PES1: variants seen among roughly 807,000 people sequenced by gnomAD.
The protein encoded by PES1 is pescadillo ribosomal biogenesis factor 1.
PES1 carries 31 observed loss-of-function variants against 77.1 expected under a neutral mutation model. That is an observed-to-expected ratio of 0.40 (90% CI 0.30 to 0.54). The LOEUF is 0.54. Ranked by LOEUF, PES1 falls within the 20% of genes least tolerant of loss-of-function variation. PES1 has a pLI of 0.45. For missense variants in PES1, 658 were observed against 771.7 expected (o/e 0.85, Z 1.75); for synonymous variants, 282 against 303.0 (o/e 0.93, Z 0.72).
intron 11 of PES1, 45 bp downstream of exon 11, chr22:30,580,008 A>C: frequency 6.2e-7 from 1 of 1,612,080 alleles, no homozygotes; most frequent in Non-Finnish European, 8.5e-7. Context: ...AGGGCCTTTG[A>C]GACAGGATAC....
chr22:30,597,869 C>G lies in PES1; in HGVS notation c.-660-5471G>C, dbSNP rs562150008. Among the ~76,000 whole-genome samples, 52 of 147,784 alleles carry G rather than the reference C, an allele frequency of 3.5e-4. 1 individual carries two copies. In the East Asian group the frequency reaches 4.7e-3, roughly 13 times the overall value. On this transcript the variant is annotated intron_variant, in intron 2 of 16. Transcript: ENST00000402281. ...TAACTCGCTCGGTTTTTTTTCCACG[C>G]AGTTGAAGTTTTGTTTTTTTTTTTT...
At chr22:30,585,846 AG>A (rs1209953338) in intron 4 of PES1, among the ~76,000 whole-genome samples, 1 of 152,168 alleles carries the variant, frequency 6.6e-6, no homozygotes, top group African/African-American at 2.4e-5. Context: ...GCTGCGAGTC[AG>A]AAGTCTGCCA....
chr22:30,590,427 C>T (rs1280308949), intron 1 of PES1, among the ~76,000 whole-genome samples: 3 of 152,204 alleles, frequency 2.0e-5, no homozygotes, highest in African/African-American at 7.2e-5. Context: ...TTACTAATAA[C>T]ATCATAGTCA....
intron 1 of PES1, among the ~76,000 whole-genome samples, chr22:30,591,358 GC>G (rs774457562): frequency 1.3e-5 from 2 of 152,056 alleles, no homozygotes; most frequent in Non-Finnish European, 2.9e-5. Flanking sequence ...AGGCCTGCTC[GC>G]TAAGCACTCC....
At chr22:30,579,022 A>G (rs2146457273) in intron 13 of PES1, 24 bp from the exon 14 acceptor site, 18 of 1,606,668 alleles carry the variant, frequency 1.1e-5, no homozygotes, top group Non-Finnish European at 1.5e-5. Context: ...GAGGGTGCTT[A>G]TGGGGGCAGG....
intron 1 of PES1, among the ~76,000 whole-genome samples, chr22:30,589,976 C>T (rs1440464680): frequency 1.3e-5 from 2 of 152,134 alleles, no homozygotes; most frequent in Non-Finnish European, 2.9e-5. Flanking sequence ...AGATACTGCC[C>T]CTCAACCAAT....
At chr22:30,590,348 G>A (rs1276708510) in intron 1 of PES1, among the ~76,000 whole-genome samples, 1 of 152,190 alleles carries the variant, frequency 6.6e-6, no homozygotes, top group Non-Finnish European at 1.5e-5. Context: ...TCTGGACTAA[G>A]ACAGCAGGGG....
rs747611657 is a variant in PES1, at chr22:30,581,094, G to T, written c.830C>A (p.Ala277Glu). 3.1e-6 allele frequency: 5 copies of T among 1,607,470 alleles called. No individual in the cohort carries two copies. In the South Asian group the frequency reaches 5.5e-5, roughly 18 times the overall value. Residue 277 changes from alanine to glutamate, a missense_variant, in exon 9 of 15, where the codon GCA (alanine) becomes GAA (glutamate). Ala to Glu is a moderately radical substitution (Grantham distance 107). Transcript: ENST00000354694. Reference sequence around the variant, plus strand: ...GCGGGCCAGGCTGGCACTGAGGGCTGCCAGTTTCTACAGGAGAGAAGGGGG... The same window carrying T: ...GCGGGCCAGGCTGGCACTGAGGGCTTCCAGTTTCTACAGGAGAGAAGGGGG... ...LDSESCMEKL[A>E]ALSASLARVV...
chr22:30,585,336 C>G, intron 4 of PES1: 1 of 471,472 alleles, frequency 2.1e-6, no homozygotes, highest in Non-Finnish European at 4.4e-6. Context: ...ACGAAGCCAA[C>G]AAGGATGAGC....
chr22:30,603,767 C>T (rs1019788464), intron 2 of PES1: 1 of 152,162 alleles, frequency 6.6e-6, no homozygotes, highest in East Asian at 1.9e-4. Flanking sequence ...TTGTTATATT[C>T]ATTCTTCTCA....
intron 2 of PES1, chr22:30,598,454 T>A (rs2087300168): frequency 6.6e-6 from 1 of 152,138 alleles, no homozygotes; most frequent in Non-Finnish European, 1.5e-5. Context: ...AAAAATTATT[T>A]TTTCACTCTG....
upstream of PES1, among the ~76,000 whole-genome samples, chr22:30,593,493 CA>C (rs745981792): frequency 3.9e-4 from 55 of 141,418 alleles, no homozygotes; most frequent in Admixed American, 5.0e-4. Context: ...GGCTCCATCT[CA>C]AAAAAAAAAA....
intron 1 of PES1, 138 bp from the exon 2 acceptor site, chr22:30,589,408 G>GTCGGCTCCTTCCCT: frequency 1.4e-6 from 1 of 703,970 alleles, no homozygotes; most frequent in Non-Finnish European, 2.4e-6. Context: ...AACACTGCAG[G>GTCGGCTCCTTCCCT]GAAGGAGCCG....
intron 10 of PES1, 75 bp from the exon 11 acceptor site, chr22:30,580,253 T>G: frequency 6.5e-7 from 1 of 1,535,012 alleles, no homozygotes. Flanking sequence ...CCCTGGGACC[T>G]GCTGGCCACC....
At chr22:30,580,867 T>A (rs1282707236) in intron 9 of PES1, 145 bp downstream of exon 9, 1 of 1,181,292 alleles carries the variant, frequency 8.5e-7, no homozygotes, top group Non-Finnish European at 1.2e-6. Context: ...CTATGTAAAC[T>A]CTGATGACAA....
In PES1 at chr22:30,580,121, G is replaced by A. The variant is rs529257881; in HGVS notation, c.1101C>T (p.Asp367=). Residue 367 remains aspartate, a synonymous_variant, in exon 11 of 15, where the codon GAC becomes GAT. Coordinates refer to ENST00000354694, the MANE Select transcript of PES1 (RefSeq NM_014303.4). ...DKSLCIGATY[D]VTDSRITHQI... The stretch of plus-strand genomic sequence containing the variant: ...GATGGGTGATGCGGGAGTCTGTGAC[G>A]TCATAGGTGGCCCCAATGCACAAAG... 1.1e-5 allele frequency: 17 copies of A among 1,614,114 alleles called. No individual in the cohort carries two copies. Among genetic ancestry groups the A allele is most frequent in the South Asian group, 5.5e-5 (5 of 91,086 alleles).
At chr22:30,602,826 C>A (rs961401765) in intron 2 of PES1, among the ~76,000 whole-genome samples, 8 of 152,188 alleles carry the variant, frequency 5.3e-5, no homozygotes, top group Non-Finnish European at 1.2e-4. Flanking sequence ...TGCATATAGA[C>A]ATCCAATTGT....
intron 4 of PES1, among the ~76,000 whole-genome samples, chr22:30,584,945 G>A (rs867053621): frequency 2.6e-4 from 39 of 152,268 alleles, no homozygotes; most frequent in African/African-American, 8.9e-4. Context: ...GTCCCGATGG[G>A]GGTCCTCAAG....
In PES1 at chr22:30,579,781, G is replaced by A. The variant is rs1280350714; in HGVS notation, c.1324C>T (p.Leu442=). 3.1e-6 allele frequency: 5 copies of A among 1,614,016 alleles called. No homozygotes were observed. The highest frequency in any genetic ancestry group is 4.2e-6 in the Non-Finnish European group (5 of 1,180,036). Residue 442 remains leucine (L), a synonymous_variant, in exon 12 of 15, where the codon CTG becomes TTG. Coordinates refer to ENST00000354694, the MANE Select transcript of PES1 (RefSeq NM_014303.4). ...TCCTCTCCCCGCTGCAGAGCCAGCAGCTTCAGCTTCTCAGGTGGAACGTAA... is the reference window on the plus strand; with the variant it reads ...TCCTCTCCCCGCTGCAGAGCCAGCAACTTCAGCTTCTCAGGTGGAACGTAA... ...GDYVPPEKLK[L]LALQRGEDPG...
Sources: allele counts gnomAD v4.1 joint callset (sites outside exome capture counted in the v4.1 genomes callset), GRCh38; gene constraint gnomAD v4.1.1; transcripts MANE v1.5; gene names NCBI Gene and HGNC (gene_info 2026-07-23, HGNC 2026-07-21).